NASP: variants seen among roughly 807,000 people sequenced by gnomAD.
NASP encodes the protein NASP histone chaperone.
In NASP, 24 loss-of-function variants were observed where a neutral mutation model predicts 89.5. That is an observed-to-expected ratio of 0.27 (90% CI 0.19 to 0.38). NASP has a LOEUF of 0.38. Among genes scored for constraint, NASP ranks in the 10% least tolerant of loss-of-function variants. The pLI is 1.00. For missense variants in NASP, 848 were observed against 921.4 expected, an observed-to-expected ratio of 0.92 and a Z score of 1.03; for synonymous variants, 306 against 324.7, an observed-to-expected ratio of 0.94 and a Z score of 0.62.
intron 14 of NASP, 93 bp from the exon 15 acceptor site, chr1:45,617,963 GTGACT>G: frequency 2.8e-6 from 3 of 1,067,416 alleles, no homozygotes; most frequent in Non-Finnish European, 4.2e-6. Flanking sequence ...CAGAGTTTGG[GTGACT>G]TGTATATGCT....
chr1:45,610,233 AAGT>A (rs1349433706), intron 6 of NASP: 1 of 152,170 alleles, frequency 6.6e-6, no homozygotes, highest in African/African-American at 2.4e-5. Context: ...CTTATTTAAA[AAGT>A]TAACTATATT....
At chr1:45,611,048 A>T (rs1464686206) in intron 6 of NASP, 2 of 152,008 alleles carry the variant, frequency 1.3e-5, no homozygotes, top group African/African-American at 2.4e-5. Flanking sequence ...TCATATCCAC[A>T]TTTCCAAGTG....
intron 6 of NASP, chr1:45,611,704 G>C (rs1644014997): frequency 6.6e-6 from 1 of 151,802 alleles, no homozygotes; most frequent in Admixed American, 6.6e-5. Context: ...CTGACCTGGT[G>C]ATCTGCCCAC....
intron 3 of NASP, among the ~76,000 whole-genome samples, chr1:45,603,843 A>G (rs922144545): frequency 1.3e-5 from 2 of 152,198 alleles, no homozygotes; most frequent in Non-Finnish European, 2.9e-5. Context: ...GCCCGACCTC[A>G]GGTGATTCAC....
intron 2 of NASP, among the ~76,000 whole-genome samples, chr1:45,600,940 T>C (rs1398421026): frequency 6.6e-6 from 1 of 152,210 alleles, no homozygotes; most frequent in Non-Finnish European, 1.5e-5. Flanking sequence ...TGAGCAATAA[T>C]GTTGGCATCT....
At chr1:45,591,762 A>C (rs1293567061) in intron 2 of NASP, among the ~76,000 whole-genome samples, 1 of 152,188 alleles carries the variant, frequency 6.6e-6, no homozygotes, top group Non-Finnish European at 1.5e-5. Context: ...AGAGGTGGGC[A>C]TAATAATTAA....
intron 7 of NASP, among the ~76,000 whole-genome samples, chr1:45,613,466 C>A (rs1644051458): frequency 6.6e-6 from 1 of 152,118 alleles, no homozygotes; most frequent in Non-Finnish European, 1.5e-5. Context: ...AGGACTGTAG[C>A]TTACCTAGTT....
At chr1:45,599,953 A>ATTTTTTTTTTTTTT (rs11302173) in intron 2 of NASP, among the ~76,000 whole-genome samples, 20 of 79,072 alleles carry the variant, frequency 2.5e-4, no homozygotes, top group African/African-American at 1.0e-3. Flanking sequence ...TTTCCTCTGT[A>ATTTTTTTTTTTTTT]TTTTTTTTTT....
intron 2 of NASP, chr1:45,600,312 A>G (rs1223153206): frequency 9.8e-6 from 11 of 1,123,118 alleles, no homozygotes; most frequent in Non-Finnish European, 1.2e-5. Flanking sequence ...CATTATCACA[A>G]TCAAGATAAT....
chr1:45,617,076 C>T (rs760920381), intron 13 of NASP, among the ~76,000 whole-genome samples: 1 of 152,150 alleles, frequency 6.6e-6, no homozygotes, highest in Non-Finnish European at 1.5e-5. Flanking sequence ...AACTGCTGAC[C>T]TCGTGATCCA....
At position 45,606,521 on chromosome 1, in the gene NASP, G is replaced by T. The variant is rs922810500; in HGVS notation, c.339G>T (p.Val113=). The T allele has an allele frequency of 8.7e-6, 14 of 1,613,836 alleles. No homozygotes were observed. The highest frequency in any genetic ancestry group is 1.2e-5 in the Non-Finnish European group (14 of 1,179,874). The change falls in exon 5 of 15, where the codon GTG becomes GTT. Residue 113 remains valine, a synonymous_variant. Transcript: ENST00000350030. The part of the protein sequence containing the change: ...NGVLGNALEG[V]HVEEEEGEKT... Reference sequence around the variant, plus strand: ...TGTTGGGAAACGCCTTGGAAGGTGTGCATGTGGAAGAGGAAGAAGGAGAAA... The same window carrying T: ...TGTTGGGAAACGCCTTGGAAGGTGTTCATGTGGAAGAGGAAGAAGGAGAAA...
intron 3 of NASP, among the ~76,000 whole-genome samples, chr1:45,603,347 A>G (rs981542212): frequency 2.6e-5 from 4 of 152,218 alleles, no homozygotes; most frequent in Non-Finnish European, 4.4e-5. Flanking sequence ...AGTTGATTAC[A>G]TTACATATAG....
At chr1:45,600,631 A>G (rs1371029382) in intron 2 of NASP, among the ~76,000 whole-genome samples, 1 of 152,222 alleles carries the variant, frequency 6.6e-6, no homozygotes, top group East Asian at 1.9e-4. Context: ...TGGCTTACAA[A>G]TAAAGCTGCT....
intron 3 of NASP, among the ~76,000 whole-genome samples, chr1:45,603,099 G>A (rs1440582954): frequency 2.0e-5 from 3 of 152,158 alleles, no homozygotes; most frequent in Admixed American, 2.0e-4. Context: ...GAAGTTGGTA[G>A]CTACCACCAG....
intron 1 of NASP, chr1:45,588,661 C>A (rs761251660): frequency 2.2e-6 from 1 of 449,474 alleles, no homozygotes; most frequent in South Asian, 1.6e-5. Flanking sequence ...AATGAGCGGC[C>A]GGGCGCGGTG....
chr1:45,607,584 G>A lies in NASP; in HGVS notation c.673G>A (p.Ala225Thr), dbSNP rs776115372. 3 of 1,613,970 alleles carry A rather than the reference G, an allele frequency of 1.9e-6. No individual in the cohort carries two copies. The Admixed American group carries it at 5.0e-5, about 27-fold the overall frequency. ...GGAAPEGPNE[A>T]EVTSGKPEQE... ...AGCAGCACCAGAAGGACCGAATGAA[G>A]CTGAGGTCACTTCTGGGAAGCCAGA... The change falls in exon 6 of 15, where the codon GCT becomes ACT. Residue 225 changes from alanine to threonine, a missense_variant. Around this residue, in one of 5 missense-constraint regions of NASP, gnomAD observed 464 missense variants for 469.4 expected, o/e 0.99. Transcript: ENST00000350030.
chr1:45,596,316 C>A (rs1046281452), intron 2 of NASP, among the ~76,000 whole-genome samples: 2 of 152,128 alleles, frequency 1.3e-5, no homozygotes, highest in Non-Finnish European at 2.9e-5. Flanking sequence ...TTGTCGTATA[C>A]CCAATCTTAT....
At chr1:45,594,764 G>A (rs1407371529) in intron 2 of NASP, 5 of 453,650 alleles carry the variant, frequency 1.1e-5, no homozygotes, top group African/African-American at 1.0e-4. Context: ...CTGAAGTGCT[G>A]GGATTACAGG....
intron 4 of NASP, among the ~76,000 whole-genome samples, 179 bp from the exon 5 acceptor site, chr1:45,606,303 C>T (rs1643907718): frequency 6.6e-6 from 1 of 152,186 alleles, no homozygotes; most frequent in South Asian, 2.1e-4. Context: ...AGTGCTCTTG[C>T]AGTCTTAATT....
Sources: allele counts gnomAD v4.1 joint callset (sites outside exome capture counted in the v4.1 genomes callset), GRCh38; gene constraint gnomAD v4.1.1; regional missense constraint gnomAD v4.1.1; transcripts MANE v1.5; gene names NCBI Gene and HGNC (gene_info 2026-07-23, HGNC 2026-07-21).